The following DOP1A variants were observed in gnomAD, a reference collection of about 807,000 sequenced individuals.
DOP1A encodes the protein protein DOP1A.
A neutral mutation model predicts 267.6 loss-of-function variants in DOP1A; 90 were observed. The observed-to-expected ratio is 0.34, with a 90% confidence interval of 0.28 to 0.40. The LOEUF is 0.40. Ranked by LOEUF, DOP1A falls within the 10% of genes least tolerant of loss-of-function variation. The pLI, the probability that DOP1A is intolerant of heterozygous loss-of-function variation, is 1.00. For missense variants in DOP1A, 2,437 were observed against 2,900.4 expected (o/e 0.84, Z 3.67); for synonymous variants, 932 against 999.1 (o/e 0.93, Z 1.27).
intron 3 of DOP1A, among the ~76,000 whole-genome samples, chr6:83,098,380 C>G (rs916806493): frequency 1.3e-5 from 2 of 152,192 alleles, no homozygotes; most frequent in Non-Finnish European, 2.9e-5. Context: ...TAGATACCAG[C>G]TGGATGTGCT....
intron 10 of DOP1A, among the ~76,000 whole-genome samples, chr6:83,121,426 C>T (rs961049899): frequency 6.6e-6 from 1 of 151,546 alleles, no homozygotes; most frequent in Non-Finnish European, 1.5e-5. Context: ...ACAGATGAAG[C>T]TCAGGAATTT....
At chr6:83,071,288 C>T (rs1582822037) in intron 1 of DOP1A, among the ~76,000 whole-genome samples, 1 of 151,990 alleles carries the variant, frequency 6.6e-6, no homozygotes. Context: ...CTCACTGCAA[C>T]CTCTGCCTCC....
intron 7 of DOP1A, among the ~76,000 whole-genome samples, chr6:83,117,918 CT>C (rs1387651112): frequency 6.6e-5 from 10 of 152,114 alleles, no homozygotes; most frequent in Non-Finnish European, 1.3e-4. Flanking sequence ...TCTAAGGTTC[CT>C]TTAACACAAA....
At chr6:83,080,086 T>C (rs1034763823) in intron 1 of DOP1A, among the ~76,000 whole-genome samples, 1 of 145,962 alleles carries the variant, frequency 6.9e-6, no homozygotes, top group Non-Finnish European at 1.5e-5. Flanking sequence ...AGTGTACTAT[T>C]CTGATATTTA....
Position 83,138,346 on chromosome 6 carries a change from T to G in DOP1A, c.4304T>G (p.Phe1435Cys), listed in dbSNP as rs550755440. 6.2e-7 allele frequency: 1 copy of G among 1,611,560 alleles called. No homozygotes were observed. The highest frequency in any genetic ancestry group is 1.3e-5 in the African/African-American group (1 of 75,044). The change falls in exon 21 of 39, where the codon TTT (phenylalanine) becomes TGT (cysteine). Residue 1435 changes from phenylalanine to cysteine, a missense_variant. This residue lies in a region of DOP1A where 878 missense variants were observed against 992.9 expected (regional missense o/e 0.88). Transcript: ENST00000349129. Reference protein sequence around the residue: ...RHRISVMGKDFYSHIPVDSNH... With the variant: ...RHRISVMGKDCYSHIPVDSNH... ...CGGATTTCTGTTATGGGCAAAGATT[T>G]TTATAGTCACATTCCAGTGGACTCA...
chr6:83,082,002 T>A (rs1351479986), intron 1 of DOP1A, among the ~76,000 whole-genome samples: 1 of 152,102 alleles, frequency 6.6e-6, no homozygotes, highest in Non-Finnish European at 1.5e-5. Flanking sequence ...CTGTTAGAAT[T>A]GCTGTTATCA....
At chr6:83,163,882 T>TA (rs2128438419) in intron 38 of DOP1A, among the ~76,000 whole-genome samples, 1 of 152,064 alleles carries the variant, frequency 6.6e-6, no homozygotes, top group Non-Finnish European at 1.5e-5. Flanking sequence ...TGTAGGAAAA[T>TA]AAAATTTGTA....
At chr6:83,071,438 C>G (rs1785575835) in intron 1 of DOP1A, among the ~76,000 whole-genome samples, 1 of 152,082 alleles carries the variant, frequency 6.6e-6, no homozygotes, top group Non-Finnish European at 1.5e-5. Context: ...AACTCCTGAC[C>G]TCAGGTTATC....
rs1781860099 is a variant in DOP1A at position 83,152,361 on chromosome 6, C to G, written c.6123C>G (p.Leu2041=). 2 of 1,505,778 alleles carry G rather than the reference C, an allele frequency of 1.3e-6. No individual in the cohort carries two copies. The highest frequency in any genetic ancestry group is 1.8e-6 in the Non-Finnish European group (2 of 1,122,112). The allele number at this position is 1,505,778 out of a possible 1,614,324, so 93.3% of individuals were successfully genotyped here. ...ATAGTGTCCATGCATTGACATTACT[C>G]TCTGAGGTAAATATTAAGCTTTTTC... ...SVYSVHALTL[L]SEVLAHLLDM... The change falls in exon 30 of 39, where the codon CTC becomes CTG. Residue 2041 remains leucine (L), a synonymous_variant. Transcript: ENST00000349129.
intron 17 of DOP1A, among the ~76,000 whole-genome samples, chr6:83,130,864 G>A (rs375522568): frequency 5.9e-5 from 9 of 151,716 alleles, no homozygotes; most frequent in South Asian, 4.2e-4. Flanking sequence ...TCAGCCTCCC[G>A]AGTAGCTGGG....
Position 83,153,915 on chromosome 6 carries a change from T to C in DOP1A, c.6261T>C (p.Tyr2087=). 1 of 1,612,650 alleles carries C rather than the reference T, an allele frequency of 6.2e-7. No individual in the cohort carries two copies. The highest frequency in any genetic ancestry group is 8.5e-7 in the Non-Finnish European group (1 of 1,179,666). The change falls in exon 32 of 39, where the codon TAT becomes TAC. Residue 2087 remains tyrosine (Y), a synonymous_variant. Coordinates refer to ENST00000349129, the MANE Select transcript of DOP1A (RefSeq NM_015018.4). ...GTAGTGCACATAATGCCCCTAGTTA[T>C]CGAGCTTGTGTCCAGCTGCTCAGCA... The part of the protein sequence containing the change: ...RNHSAHNAPS[Y]RACVQLLSSL...
intron 1 of DOP1A, among the ~76,000 whole-genome samples, chr6:83,076,381 G>T (rs1015599309): frequency 6.6e-6 from 1 of 152,122 alleles, no homozygotes; most frequent in Non-Finnish European, 1.5e-5. Flanking sequence ...AATTAGCTGG[G>T]CGTGGTGGTG....
Position 83,137,657 on chromosome 6 carries a change from G to C in DOP1A, c.3615G>C (p.Gln1205His), listed in dbSNP as rs201554891. 1.2e-6 allele frequency: 2 copies of C among 1,613,762 alleles called. No individual in the cohort carries two copies. Among genetic ancestry groups the C allele is most frequent in the Non-Finnish European group, 1.7e-6 (2 of 1,179,842 alleles). ...AAGATGACTCCATTCAACAGAGTCA[G>C]AATGCTTTGCTGAGTAATGAAAGTT... ...KIEDDSIQQS[Q>H]NALLSNESSQ... is the part of the protein sequence containing the mutation. Residue 1205 changes from glutamine to histidine, a missense_variant, in exon 21 of 39, where the codon CAG (glutamine) becomes CAC (histidine). Gln to His is a conservative substitution (Grantham distance 24). This residue lies in a region of DOP1A where 878 missense variants were observed against 992.9 expected (regional missense o/e 0.88). Transcript: ENST00000349129.
At chr6:83,080,015 C>T (rs1436564052) in intron 1 of DOP1A, among the ~76,000 whole-genome samples, 1 of 152,076 alleles carries the variant, frequency 6.6e-6, no homozygotes, top group East Asian at 1.9e-4. Flanking sequence ...CTTTCTTCTT[C>T]CAAACTATTA....
rs550085310 is a variant in DOP1A at position 83,158,941 on chromosome 6, T to C, written c.6797+319T>C. Among the ~76,000 whole-genome samples the C allele has an allele frequency of 5.9e-5, 9 of 152,330 alleles. No homozygotes were observed. The South Asian group carries it at 1.9e-3, about 32-fold the overall frequency. On this transcript the variant is annotated intron_variant, in intron 36 of 38. Coordinates refer to ENST00000349129, the MANE Select transcript of DOP1A (RefSeq NM_015018.4). ...AAACATTGCAACATATAGCCAACCC[T>C]GTTATGGTAGGTAACCTGGAACCAG...
At chr6:83,150,700 G>C (rs1339593102) in intron 27 of DOP1A, among the ~76,000 whole-genome samples, 1 of 152,070 alleles carries the variant, frequency 6.6e-6, no homozygotes, top group African/African-American at 2.4e-5. Context: ...ATATTGAGTA[G>C]ACTCTTAGCA....
At chr6:83,166,667 T>C in intron 38 of DOP1A, 1 of 1,282,544 alleles carries the variant, frequency 7.8e-7, no homozygotes, top group Non-Finnish European at 9.9e-7. Flanking sequence ...AAACCGCAAT[T>C]ACGTTTGCAC....
At chr6:83,148,707 G>A (rs1437661589) in intron 26 of DOP1A, 52 bp from the exon 27 acceptor site, 3 of 1,233,470 alleles carry the variant, frequency 2.4e-6, no homozygotes, top group Non-Finnish European at 3.4e-6. Context: ...CCACAAACTA[G>A]TAGAAAACCA....
chr6:83,128,121 G>A (rs903008264), intron 15 of DOP1A, among the ~76,000 whole-genome samples: 16 of 152,182 alleles, frequency 1.1e-4, no homozygotes, highest in Non-Finnish European at 2.2e-4. Context: ...ATTGCGTGAA[G>A]CCCAGCTTTG....
Sources: gnomAD v4.1 joint callset for allele counts (sites outside exome capture counted in the v4.1 genomes callset) on GRCh38, gnomAD v4.1.1 for gene constraint, gnomAD v4.1.1 regional missense constraint, MANE v1.5 for transcripts, NCBI Gene and HGNC (gene_info 2026-07-23, HGNC 2026-07-21) for gene names.